Variants in LRP1B observed in about 807,000 individuals in gnomAD.
LRP1B encodes the protein LDL receptor related protein 1B.
Under a neutral mutation model 556.6 loss-of-function variants are expected in LRP1B, and 217 were observed. That is an observed-to-expected ratio of 0.39 (90% CI 0.35 to 0.44). LRP1B has a LOEUF of 0.44. LRP1B is among the 20% of genes least tolerant of loss of function. LRP1B has a pLI of 1.00. For synonymous variants in LRP1B, 2,047 were observed against 1,865.8 expected (o/e 1.10, Z -2.50); for missense variants, 5,053 against 5,620.8 (o/e 0.90, Z 3.23).
intron 2 of LRP1B, among the ~76,000 whole-genome samples, chr2:141,638,666 T>A (rs1168590550): frequency 8.8e-6 from 1 of 113,330 alleles, no homozygotes; most frequent in African/African-American, 3.0e-5. Context: ...GAAAGTAGAT[T>A]CATTCCTGGA....
At chr2:140,872,955 A>G (rs539241076) in intron 25 of LRP1B, among the ~76,000 whole-genome samples, 1 of 152,266 alleles carries the variant, frequency 6.6e-6, no homozygotes, top group East Asian at 1.9e-4. Context: ...CACTAAAAAT[A>G]TATACAAGAG....
intron 6 of LRP1B, among the ~76,000 whole-genome samples, chr2:141,190,043 G>T (rs1227520215): frequency 6.6e-6 from 1 of 151,986 alleles, no homozygotes; most frequent in East Asian, 1.9e-4. Context: ...AAAAGAGGCT[G>T]AAGGTCAACA....
At chr2:140,823,495 C>T (rs565975541) in intron 31 of LRP1B, among the ~76,000 whole-genome samples, 2 of 152,092 alleles carry the variant, frequency 1.3e-5, no homozygotes, top group African/African-American at 4.8e-5. Context: ...ATGCCAGCAA[C>T]AATAGGTTTG....
At chr2:140,941,689 T>G (rs1471130799) in intron 20 of LRP1B, among the ~76,000 whole-genome samples, 1 of 152,092 alleles carries the variant, frequency 6.6e-6, no homozygotes. Flanking sequence ...ATACAGAACC[T>G]TGGCCCTCTG....
chr2:141,739,828 G>T lies in LRP1B; in HGVS notation c.205+70451C>A, dbSNP rs116688757. ...TGTTCACCCTGAAATATCTTTTTCT[G>T]ACTGCTGAGCAAACCATATGCCTTT... is the stretch of plus-strand genomic sequence containing the variant. On this transcript the variant is annotated intron_variant, in intron 2 of 90. Transcript: ENST00000389484. 4.0e-3 allele frequency among the ~76,000 whole-genome samples: 603 copies of T among 151,990 alleles called. 2 individuals carry two copies. Among genetic ancestry groups the T allele is most frequent in the African/African-American group, 0.014 (581 of 41,490 alleles).
intron 6 of LRP1B, among the ~76,000 whole-genome samples, chr2:141,211,838 A>C (rs539867747): frequency 6.6e-6 from 1 of 152,306 alleles, no homozygotes; most frequent in South Asian, 2.1e-4. Flanking sequence ...CATATTTGAT[A>C]ATTGTAACTG....
intron 32 of LRP1B, among the ~76,000 whole-genome samples, chr2:140,789,895 G>C (rs974316861): frequency 6.6e-6 from 1 of 151,810 alleles, no homozygotes; most frequent in Non-Finnish European, 1.5e-5. Flanking sequence ...CTCCCAAAGT[G>C]CTGGGATTAC....
intron 6 of LRP1B, among the ~76,000 whole-genome samples, chr2:141,208,894 AAAAAAAAAAAAAAAAAAAAAAAAAG>A (rs1682413427): frequency 9.1e-6 from 1 of 109,428 alleles, no homozygotes; most frequent in African/African-American, 4.0e-5. Flanking sequence ...AAAAAAAAAA[AAAAAAAAAAAAAAAAAAAAAAAAAG>A]GGATGGGAGA....
intron 2 of LRP1B, among the ~76,000 whole-genome samples, chr2:141,657,820 GA>G (rs1690071353): frequency 6.6e-6 from 1 of 152,094 alleles, no homozygotes; most frequent in South Asian, 2.1e-4. Context: ...TTGCCTTTCT[GA>G]AATAATCTTT....
intron 18 of LRP1B, among the ~76,000 whole-genome samples, chr2:140,970,395 T>G (rs892493928): frequency 6.6e-6 from 1 of 152,210 alleles, no homozygotes; most frequent in Non-Finnish European, 1.5e-5. Flanking sequence ...AGGACTTCTC[T>G]ACACTTGTTA....
chr2:140,529,181 G>T (rs1690570544), intron 47 of LRP1B, among the ~76,000 whole-genome samples: 1 of 151,934 alleles, frequency 6.6e-6, no homozygotes, highest in Non-Finnish European at 1.5e-5. Context: ...TACAAAGGAA[G>T]AAGATCTGTC....
chr2:140,363,750 A>ATTTTTGTATTTTT (rs1682625360), intron 72 of LRP1B, among the ~76,000 whole-genome samples: 6 of 151,310 alleles, frequency 4.0e-5, no homozygotes, highest in African/African-American at 1.2e-4. Context: ...TTTTCCCTGC[A>ATTTTTGTATTTTT]CTTTTGTATT....
chr2:141,486,919 C>G (rs1683142006), intron 2 of LRP1B, among the ~76,000 whole-genome samples: 1 of 152,300 alleles, frequency 6.6e-6, no homozygotes, highest in South Asian at 2.1e-4. Context: ...TCTCCAGGGC[C>G]TCTGTGGTCC....
chr2:141,026,811 G>T (rs1698230016), intron 11 of LRP1B, among the ~76,000 whole-genome samples: 1 of 152,004 alleles, frequency 6.6e-6, no homozygotes, highest in African/African-American at 2.4e-5. Context: ...ATAAAATTAG[G>T]CAGCAGCCTT....
chr2:140,329,940 C>G (rs751785112), intron 79 of LRP1B, among the ~76,000 whole-genome samples: 14 of 151,870 alleles, frequency 9.2e-5, no homozygotes, highest in Middle Eastern at 6.8e-3. Flanking sequence ...GGGCTCCCAC[C>G]TATAATCCCA....
At position 140,507,337 on chromosome 2, in the gene LRP1B, T is replaced by G. The variant is rs184523506; in HGVS notation, c.8399-419A>C. On this transcript the variant is annotated intron_variant, in intron 52 of 90. Coordinates refer to ENST00000389484, the MANE Select transcript of LRP1B (RefSeq NM_018557.3). ...TGTTGTTTCCTTGTGAAAAATAGAC[T>G]GGTAAAGAGCAATGCTAATGTTCAT... is the stretch of plus-strand genomic sequence containing the variant. 3.5e-3 allele frequency among the ~76,000 whole-genome samples: 528 copies of G among 152,248 alleles called. 3 individuals carry two copies. Among genetic ancestry groups the G allele is most frequent in the African/African-American group, 0.01 (433 of 41,556 alleles).
intron 60 of LRP1B, among the ~76,000 whole-genome samples, chr2:140,474,738 G>A (rs1687899602): frequency 6.6e-6 from 1 of 151,820 alleles, no homozygotes; most frequent in Non-Finnish European, 1.5e-5. Flanking sequence ...TAGCTTAACT[G>A]ATAACTTATA....
intron 1 of LRP1B, among the ~76,000 whole-genome samples, chr2:142,012,367 CA>C (rs1702984986): frequency 6.6e-6 from 1 of 152,150 alleles, no homozygotes; most frequent in African/African-American, 2.4e-5. Flanking sequence ...CTTTATCTTA[CA>C]AAATCTGTGC....
intron 3 of LRP1B, among the ~76,000 whole-genome samples, chr2:141,455,801 C>T (rs994011654): frequency 1.3e-5 from 2 of 152,152 alleles, no homozygotes; most frequent in African/African-American, 2.4e-5. Flanking sequence ...TTTTGAAATG[C>T]TTTTGCCATT....
Sources: allele counts gnomAD v4.1 joint callset (sites outside exome capture counted in the v4.1 genomes callset), GRCh38; gene constraint gnomAD v4.1.1; transcripts MANE v1.5; gene names NCBI Gene and HGNC (gene_info 2026-07-23, HGNC 2026-07-21).